Variants in SLC6A12 observed in about 807,000 individuals in gnomAD.
SLC6A12 encodes the protein sodium- and chloride-dependent betaine transporter.
In SLC6A12, 50 loss-of-function variants were observed where a neutral mutation model predicts 73.3. The ratio of observed to expected loss-of-function variants is 0.68; its 90% CI spans 0.54 to 0.86. The LOEUF is 0.86. Ranked by LOEUF, SLC6A12 falls within the 40% of genes least tolerant of loss-of-function variation. SLC6A12 has a pLI of 0.00. For missense variants in SLC6A12, 648 were observed against 772.8 expected (o/e 0.84, Z 1.92); for synonymous variants, 304 against 309.2 (o/e 0.98, Z 0.18).
downstream of SLC6A12, among the ~76,000 whole-genome samples, chr12:187,039 G>A (rs980353334): frequency 2.6e-5 from 4 of 152,350 alleles, no homozygotes; most frequent in East Asian, 7.7e-4. Context: ...AAACGCAAAA[G>A]CGAATATGTG....
In SLC6A12 at chr12:201,913, C is replaced by T. The variant is rs142796637; in HGVS notation, c.491-64G>A. On this transcript the variant is annotated intron_variant, in intron 5 of 15. Transcript: ENST00000684302. Reference sequence around the variant, plus strand: ...GCTCTTATACCCTAGTCCCCCTGGCCCTCTGGCCTTGCAGCCTAGTGGTCC... The same window carrying T: ...GCTCTTATACCCTAGTCCCCCTGGCTCTCTGGCCTTGCAGCCTAGTGGTCC... The T allele has an allele frequency of 7.6e-6, 11 of 1,445,844 alleles. No homozygotes were observed. The African/African-American group carries it at 1.4e-4, about 18-fold the overall frequency. The allele number at this position is 1,445,844 out of a possible 1,614,324, so 89.6% of individuals were successfully genotyped here.
chr12:187,630 A>AAAAAAAAAAAAAAAAAAAAAAAAAC (rs1565461372), downstream of SLC6A12, among the ~76,000 whole-genome samples: 1 of 57,580 alleles, frequency 1.7e-5, no homozygotes, highest in African/African-American at 6.8e-5. Context: ...AAAAAAAAAA[A>AAAAAAAAAAAAAAAAAAAAAAAAAC]ACAAACCACA....
chr12:204,664 AAAG>A lies in SLC6A12; in HGVS notation c.246_248del (p.Phe83del), dbSNP rs761263100. 5.0e-6 allele frequency: 8 copies of A among 1,614,048 alleles called. No homozygotes were observed. The highest frequency in any genetic ancestry group is 4.0e-5 in the African/African-American group (3 of 74,932). ...GGAAGAACACCGGGATGCCGCAGACAAAGAAGAAGATGAAGTAGGGGATGAAGA... is the reference window on the plus strand; with the variant it reads ...GGAAGAACACCGGGATGCCGCAGACAAAGAAGATGAAGTAGGGGATGAAGA... On this transcript the variant is annotated inframe_deletion, in exon 4 of 16. Coordinates refer to ENST00000684302, the MANE Select transcript of SLC6A12 (RefSeq NM_001122848.3).
chr12:195,858 G>A (rs1327212616), intron 12 of SLC6A12, among the ~76,000 whole-genome samples: 2 of 152,120 alleles, frequency 1.3e-5, no homozygotes, highest in East Asian at 1.9e-4. Flanking sequence ...CAACCACACC[G>A]AAACCCAGAT....
chr12:191,004 GA>G lies in SLC6A12; in HGVS notation c.*63del. ...GAGACAGAGGCAGAGGCTGTCCGCT[GA>G]GAATGGAGGGTGGCCCTGACCTAGG... is the stretch of plus-strand genomic sequence containing the variant. On this transcript the variant is annotated 3_prime_UTR_variant, in exon 16 of 16. Coordinates refer to ENST00000684302, the MANE Select transcript of SLC6A12 (RefSeq NM_001122848.3). 8.1e-7 allele frequency: 1 copy of G among 1,235,558 alleles called. No individual in the cohort carries two copies. Among genetic ancestry groups the G allele is most frequent in the Non-Finnish European group, 1.0e-6 (1 of 973,500 alleles). The allele number at this position is 1,235,558 out of a possible 1,614,324, so 76.5% of individuals were successfully genotyped here. A position where few individuals can be genotyped will look rare whatever the true frequency, so the allele number is the denominator to read the frequency against.
At chr12:192,013 G>A (rs1046869452) in intron 15 of SLC6A12, among the ~76,000 whole-genome samples, 2 of 152,238 alleles carry the variant, frequency 1.3e-5, no homozygotes, top group African/African-American at 4.8e-5. Flanking sequence ...AGGAGGATAT[G>A]TCCCAAACTC....
Position 198,118 on chromosome 12 carries a change from G to C in SLC6A12, c.847-115C>G. On this transcript the variant is annotated intron_variant, in intron 8 of 15. Coordinates refer to ENST00000684302, the MANE Select transcript of SLC6A12 (RefSeq NM_001122848.3). This position sits in a 1 kb window ranked among gnomAD's most constrained non-coding sequence, Gnocchi z 4.0. The stretch of plus-strand genomic sequence containing the variant: ...AGCCTGGCCCCTCAGTGCTCCCTGA[G>C]CGCTTCCCTCCTGCATCCCAACTCT... The C allele has an allele frequency of 1.3e-6, 1 of 758,112 alleles. No homozygotes were observed. The allele number at this position is 758,112 out of a possible 1,614,324, so 47.0% of individuals were successfully genotyped here. A position where few individuals can be genotyped will look rare whatever the true frequency, so the allele number is the denominator to read the frequency against.
rs1940967276 is a variant in SLC6A12 at position 213,014 on chromosome 12, CA to C, written c.-142-905del. Among the ~76,000 whole-genome samples the C allele has an allele frequency of 6.6e-6, 1 of 152,172 alleles. No homozygotes were observed. ...CAAATCTTCAAGAGACTAGAAAGTC[CA>C]AAGTTAAGTCTGTTTTCAGGAGCTG... On this transcript the variant is annotated intron_variant, in intron 1 of 15. Coordinates refer to ENST00000684302, the MANE Select transcript of SLC6A12 (RefSeq NM_001122848.3). This position sits in a 1 kb window ranked among gnomAD's most constrained non-coding sequence, Gnocchi z 5.3.
At chr12:187,856 T>G (rs563574807), downstream of SLC6A12, among the ~76,000 whole-genome samples, 2 of 152,246 alleles carry the variant, frequency 1.3e-5, no homozygotes, top group East Asian at 3.9e-4. Flanking sequence ...ACAAAGGTTC[T>G]CCAAGTCCCC....
chr12:200,306 T>C (rs375380505), intron 7 of SLC6A12, among the ~76,000 whole-genome samples: 5,033 of 149,984 alleles, frequency 0.034, 106 homozygotes, highest in South Asian at 0.057. Context: ...GACGGGGTTT[T>C]ACCGTGTTAG....
chr12:206,817 C>A (rs748897180), intron 3 of SLC6A12, among the ~76,000 whole-genome samples: 5 of 152,244 alleles, frequency 3.3e-5, no homozygotes, highest in African/African-American at 1.2e-4. Context: ...AGGGACACGG[C>A]CTAAGGCCTC....
At chr12:187,393 G>A (rs796664111), downstream of SLC6A12, among the ~76,000 whole-genome samples, 33 of 151,948 alleles carry the variant, frequency 2.2e-4, no homozygotes, top group African/African-American at 7.2e-4. Context: ...ACCAGCTCCG[G>A]AGTGAAACTG....
downstream of SLC6A12, among the ~76,000 whole-genome samples, chr12:186,090 G>T (rs1749143891): frequency 6.7e-6 from 1 of 148,234 alleles, no homozygotes; most frequent in African/African-American, 2.7e-5. Flanking sequence ...GGAGGGGTCA[G>T]AGGAGGTGAG....
chr12:210,013 G>A lies in SLC6A12; in HGVS notation c.-27C>T, dbSNP rs370048227. On this transcript the variant is annotated 5_prime_UTR_variant, in exon 3 of 16. Transcript: ENST00000684302. ...GCTGTGTGGTGGGTTGGGAAGCCCC[G>A]CTGGGTGGGCAGGATGACGAGGGCC... 77 of 1,610,510 alleles carry A rather than the reference G, an allele frequency of 4.8e-5. No homozygotes were observed. The highest frequency in any genetic ancestry group is 3.3e-4 in the South Asian group (30 of 90,944).
At chr12:189,977 T>G (rs1939524985), downstream of SLC6A12, 1 of 152,414 alleles carries the variant, frequency 6.6e-6, no homozygotes, top group Non-Finnish European at 1.5e-5. Flanking sequence ...GGGGCGCTAG[T>G]CTGGGGAGCT....
rs1565474633 is a variant in SLC6A12, at chr12:202,930, C to CA, written c.350-51dup. The CA allele has an allele frequency of 1.9e-6, 3 of 1,566,416 alleles. No homozygotes were observed. The Admixed American group carries it at 5.2e-5, about 27-fold the overall frequency. On this transcript the variant is annotated intron_variant, in intron 4 of 15. Coordinates refer to ENST00000684302, the MANE Select transcript of SLC6A12 (RefSeq NM_001122848.3). ...GAGGGACAAGAGAGATCAATGTTAG[C>CA]AAAAAAGTCACATAGAAGCTGCCAG...
At chr12:187,664 C>T (rs1447153692), downstream of SLC6A12, among the ~76,000 whole-genome samples, 2 of 146,798 alleles carry the variant, frequency 1.4e-5, no homozygotes, top group East Asian at 2.0e-4. Context: ...CTGCACACAA[C>T]GCGACCCCAG....
chr12:204,604 C>T lies in SLC6A12; in HGVS notation c.309G>A (p.Gly103=). Residue 103 remains glycine (G), a synonymous_variant, in exon 4 of 16, where the codon GGG becomes GGA. Coordinates refer to ENST00000684302, the MANE Select transcript of SLC6A12 (RefSeq NM_001122848.3). ...AGATCTTCCTCCAGGCTGTGACACTCCCTTGGCTGGTGTATTGGCCCAACG... is the reference window on the plus strand; with the variant it reads ...AGATCTTCCTCCAGGCTGTGACACTTCCTTGGCTGGTGTATTGGCCCAACG... The part of the protein sequence containing the change: ...EVALGQYTSQ[G]SVTAWRKICP... 6.2e-7 allele frequency: 1 copy of T among 1,614,212 alleles called. No individual in the cohort carries two copies. Among genetic ancestry groups the T allele is most frequent in the Non-Finnish European group, 8.5e-7 (1 of 1,180,032 alleles).
intron 3 of SLC6A12, chr12:204,903 A>G: frequency 1.8e-6 from 1 of 550,372 alleles, no homozygotes; most frequent in Non-Finnish European, 3.2e-6. Context: ...TCTGAACCCT[A>G]CACAGAATGA....
Sources: allele counts gnomAD v4.1 joint callset (sites outside exome capture counted in the v4.1 genomes callset), GRCh38; gene constraint gnomAD v4.1.1; non-coding constraint Gnocchi (gnomAD v3.1); transcripts MANE v1.5; gene names NCBI Gene and HGNC (gene_info 2026-07-23, HGNC 2026-07-21).